The following TMPRSS11F variants were observed in gnomAD, a reference collection of about 807,000 sequenced individuals.
The protein encoded by TMPRSS11F is transmembrane protease serine 11F.
A neutral mutation model predicts 60.2 loss-of-function variants in TMPRSS11F; 47 were observed. The observed-to-expected ratio is 0.78, with a 90% confidence interval of 0.62 to 1.00. TMPRSS11F has a LOEUF of 1.00. Ranked by LOEUF, TMPRSS11F falls within the 50% of genes least tolerant of loss-of-function variation. The probability of loss-of-function intolerance (pLI) is 0.00; values close to 1 mark genes in which losing one functional copy is unlikely to be tolerated. For missense variants in TMPRSS11F, 519 were observed against 522.9 expected (o/e 0.99, Z 0.07); for synonymous variants, 166 against 167.3 (o/e 0.99, Z 0.06).
At chr4:68,119,097 G>A (rs934948296) in intron 1 of TMPRSS11F, among the ~76,000 whole-genome samples, 33 of 152,052 alleles carry the variant, frequency 2.2e-4, no homozygotes, top group African/African-American at 7.7e-4. Context: ...CTGATACGGA[G>A]TAAGTTTTGT....
chr4:68,100,158 G>A lies in TMPRSS11F; in HGVS notation c.12-1120C>T, dbSNP rs78783028. Among the ~76,000 whole-genome samples the A allele has an allele frequency of 2.0e-4, 30 of 152,028 alleles. 1 individual carries two copies. In the East Asian group the frequency reaches 5.8e-3, roughly 29 times the overall value. On this transcript the variant is annotated intron_variant, in intron 1 of 9. Coordinates refer to ENST00000356291, the MANE Select transcript of TMPRSS11F (RefSeq NM_207407.2). ...AAAACATAAATAAAACATGACTTTT[G>A]TCCTCTAAGAATTTATTGTCTCAAT...
intron 3 of TMPRSS11F, among the ~76,000 whole-genome samples, chr4:68,075,239 A>G (rs1446725598): frequency 1.3e-5 from 2 of 152,100 alleles, no homozygotes; most frequent in Admixed American, 1.3e-4. Flanking sequence ...TCTCATTGCT[A>G]TGGTCTCAAA....
chr4:68,068,755 A>G lies in TMPRSS11F; in HGVS notation c.618T>C (p.Ile206=). ...CCATAGCTGTTTCCCTTCCTTGGAC[A>G]ATTCTTTGAGTAGAAGAGGATGCTG... ...PLPASSSTQR[I]VQGRETAMEG... Residue 206 remains isoleucine, a synonymous_variant, in exon 7 of 10, where the codon ATT becomes ATC. Coordinates refer to ENST00000356291, the MANE Select transcript of TMPRSS11F (RefSeq NM_207407.2). 1 of 1,614,260 alleles carries G rather than the reference A, an allele frequency of 6.2e-7. No homozygotes were observed. Among genetic ancestry groups the G allele is most frequent in the Admixed American group, 1.7e-5 (1 of 60,032 alleles).
intron 1 of TMPRSS11F, among the ~76,000 whole-genome samples, chr4:68,124,626 T>C (rs991706786): frequency 2.0e-4 from 30 of 152,238 alleles, no homozygotes; most frequent in African/African-American, 7.0e-4. Context: ...TCCTTCTGCC[T>C]GTTCAGGTTT....
Position 68,116,482 on chromosome 4 carries a change from TA to T in TMPRSS11F, c.11+13327del, listed in dbSNP as rs925412488. 4.6e-3 allele frequency among the ~76,000 whole-genome samples: 680 copies of T among 148,196 alleles called. 7 individuals are homozygous for T. Among genetic ancestry groups the T allele is most frequent in the African/African-American group, 0.014 (556 of 40,456 alleles). ...ATCTCAATGGCATTTTTCACAGAAA[TA>T]AAAAAAAAATCCTAAAATTCATCTG... On this transcript the variant is annotated intron_variant, in intron 1 of 9. Coordinates refer to ENST00000356291, the MANE Select transcript of TMPRSS11F (RefSeq NM_207407.2).
At position 68,082,759 on chromosome 4, in the gene TMPRSS11F, G is replaced by A. The variant is rs112037326; in HGVS notation, c.282+7764C>T. Among the ~76,000 whole-genome samples, 715 of 152,342 alleles carry A rather than the reference G, an allele frequency of 4.7e-3. 8 individuals carry two copies. Among genetic ancestry groups the A allele is most frequent in the African/African-American group, 0.017 (695 of 41,584 alleles). On this transcript the variant is annotated intron_variant, in intron 3 of 9. Transcript: ENST00000356291. ...TGGCTGGTGCTGCAGCAGGGGAAGA[G>A]CCCCCACTCTCAGAACACTGAGAAG...
chr4:68,054,979 C>T (rs1008722212), intron 9 of TMPRSS11F, among the ~76,000 whole-genome samples: 3 of 152,066 alleles, frequency 2.0e-5, no homozygotes, highest in Admixed American at 2.0e-4. Flanking sequence ...AGGAAAGTTT[C>T]CCCTGATGAG....
rs773621289 is a variant in TMPRSS11F, at chr4:68,068,814, C to T, written c.559G>A (p.Gly187Arg). ...KMRNLLNSRC[G>R]IRMTSSNMPL... is the part of the protein sequence containing the mutation. Reference sequence around the variant, plus strand: ...ATGTTTGAAGATGTCATCCTTATTCCACAGCCTGCCACAGAAATACATGAT... The same window carrying T: ...ATGTTTGAAGATGTCATCCTTATTCTACAGCCTGCCACAGAAATACATGAT... The change falls in exon 7 of 10, where the codon GGA (glycine) becomes AGA (arginine). Residue 187 changes from glycine (G) to arginine (R), a missense_variant. By Grantham distance (125) the Gly-to-Arg change is moderately radical. Coordinates refer to ENST00000356291, the MANE Select transcript of TMPRSS11F (RefSeq NM_207407.2). 1.2e-6 allele frequency: 2 copies of T among 1,613,858 alleles called. No homozygotes were observed. Among genetic ancestry groups the T allele is most frequent in the Non-Finnish European group, 1.7e-6 (2 of 1,179,886 alleles).
Position 68,115,967 on chromosome 4 carries a change from T to G in TMPRSS11F, c.11+13843A>C, listed in dbSNP as rs1464892986. 5.3e-5 allele frequency among the ~76,000 whole-genome samples: 8 copies of G among 152,170 alleles called. No individual in the cohort carries two copies. The East Asian group carries it at 1.3e-3, about 26-fold the overall frequency. On this transcript the variant is annotated intron_variant, in intron 1 of 9. Coordinates refer to ENST00000356291, the MANE Select transcript of TMPRSS11F (RefSeq NM_207407.2). Reference sequence around the variant, plus strand: ...TTTAACTGTATATTTTCAGCAAGAATAAACTATCAATCACAAAATGTGAGT... The same window carrying G: ...TTTAACTGTATATTTTCAGCAAGAAGAAACTATCAATCACAAAATGTGAGT...
At chr4:68,124,945 ATT>A (rs370189875) in intron 1 of TMPRSS11F, among the ~76,000 whole-genome samples, 46 of 94,112 alleles carry the variant, frequency 4.9e-4, no homozygotes, top group African/African-American at 1.7e-3. Context: ...CTAAACCAGC[ATT>A]TTTTTTTTTT....
chr4:68,127,376 C>T (rs1297855809), intron 1 of TMPRSS11F, among the ~76,000 whole-genome samples: 2 of 152,104 alleles, frequency 1.3e-5, no homozygotes, highest in East Asian at 1.9e-4. Context: ...TCACAACGTG[C>T]CATCAGAATG....
At chr4:68,070,042 G>T in intron 5 of TMPRSS11F, 35 bp from the exon 6 acceptor site, 2 of 1,579,798 alleles carry the variant, frequency 1.3e-6, no homozygotes, top group Non-Finnish European at 1.7e-6. Flanking sequence ...GTTGGCAGAA[G>T]AATATATTCC....
At chr4:68,082,007 A>G (rs1723704514) in intron 3 of TMPRSS11F, among the ~76,000 whole-genome samples, 3 of 152,194 alleles carry the variant, frequency 2.0e-5, no homozygotes. Flanking sequence ...TTTCCCACTG[A>G]GAGAGACCAA....
intron 1 of TMPRSS11F, among the ~76,000 whole-genome samples, chr4:68,100,723 G>T (rs1416015322): frequency 6.6e-6 from 1 of 152,094 alleles, no homozygotes; most frequent in Non-Finnish European, 1.5e-5. Flanking sequence ...CAAATGAAAA[G>T]TATCTGTTTT....
chr4:68,089,254 A>C (rs1254574639), intron 3 of TMPRSS11F, among the ~76,000 whole-genome samples: 4 of 152,172 alleles, frequency 2.6e-5, no homozygotes, highest in African/African-American at 7.2e-5. Flanking sequence ...TAAATTTTAC[A>C]TCCCATGAAC....
At chr4:68,059,847 C>T (rs1229949022) in intron 8 of TMPRSS11F, among the ~76,000 whole-genome samples, 1 of 152,142 alleles carries the variant, frequency 6.6e-6, no homozygotes, top group Non-Finnish European at 1.5e-5. Flanking sequence ...AGTTCACTGA[C>T]ATTCCTAAAG....
intron 6 of TMPRSS11F, 135 bp downstream of exon 6, chr4:68,069,834 G>A: frequency 1.8e-6 from 1 of 569,850 alleles, no homozygotes; most frequent in Non-Finnish European, 3.0e-6. Context: ...ATAATAAAAA[G>A]ACTAAGTGTT....
chr4:68,058,282 C>T (rs1250924964), intron 9 of TMPRSS11F, among the ~76,000 whole-genome samples: 1 of 152,148 alleles, frequency 6.6e-6, no homozygotes, highest in Non-Finnish European at 1.5e-5. Context: ...ATTAGCTTTA[C>T]TTAACCATTC....
chr4:68,067,565 A>C (rs1488604164), intron 7 of TMPRSS11F, among the ~76,000 whole-genome samples: 1 of 152,262 alleles, frequency 6.6e-6, no homozygotes, highest in East Asian at 1.9e-4. Context: ...CAAAGATTGG[A>C]GGACTGTGTG....
Sources: gnomAD v4.1 joint callset for allele counts (sites outside exome capture counted in the v4.1 genomes callset) on GRCh38, gnomAD v4.1.1 for gene constraint, MANE v1.5 for transcripts, NCBI Gene and HGNC (gene_info 2026-07-23, HGNC 2026-07-21) for gene names.